DIP2C: variants seen among roughly 807,000 people sequenced by gnomAD.
DIP2C encodes disco-interacting protein 2 homolog C.
Under a neutral mutation model 192.4 loss-of-function variants are expected in DIP2C, and 33 were observed. That is an observed-to-expected ratio of 0.17 (90% confidence interval 0.13 to 0.23). The LOEUF (loss-of-function observed/expected upper bound fraction) is 0.23, where lower values mean the gene tolerates loss of function less well. Among genes scored for constraint, DIP2C ranks in the 10% least tolerant of loss-of-function variants. DIP2C has a pLI of 1.00. For missense variants in DIP2C, 1,537 were observed against 2,110.1 expected (o/e 0.73, Z 5.32); for synonymous variants, 979 against 864.1 (o/e 1.13, Z -2.33).
chr10:364,637 C>A, intron 19 of DIP2C, 55 bp from the exon 20 acceptor site: 1 of 1,571,172 alleles, frequency 6.4e-7, no homozygotes, highest in South Asian at 1.1e-5. Flanking sequence ...TGGTTTTAAT[C>A]CTCGCCGCTA....
intron 14 of DIP2C, among the ~76,000 whole-genome samples, chr10:385,148 C>T (rs1264783513): frequency 2.7e-5 from 4 of 148,900 alleles, no homozygotes; most frequent in Non-Finnish European, 3.0e-5. Flanking sequence ...CCAGGCTGCA[C>T]GGGACCCGAG....
At position 390,167 on chromosome 10, in the gene DIP2C, C is replaced by CA. The variant is rs1364851378; in HGVS notation, c.1495-75dup. Reference sequence around the variant, plus strand: ...GTTTTTCTGGTTACTTGAGGTTCTCCAAGTCCCTGAATTTTGGCACTCGTG... The same window carrying CA: ...GTTTTTCTGGTTACTTGAGGTTCTCCAAAGTCCCTGAATTTTGGCACTCGTG... On this transcript the variant is annotated intron_variant, in intron 12 of 36. Transcript: ENST00000280886. 1.1e-4 allele frequency: 174 copies of CA among 1,584,404 alleles called. No individual in the cohort carries two copies. In the Admixed American group the frequency reaches 1.5e-3, roughly 13 times the overall value.
chr10:427,472 G>A (rs1231995007), intron 4 of DIP2C, among the ~76,000 whole-genome samples: 1 of 152,180 alleles, frequency 6.6e-6, no homozygotes, highest in Non-Finnish European at 1.5e-5. Flanking sequence ...GTCTGCTACA[G>A]AACAGTTTGT....
At chr10:301,144 G>A (rs1161867759) in intron 32 of DIP2C, among the ~76,000 whole-genome samples, 1 of 152,194 alleles carries the variant, frequency 6.6e-6, no homozygotes, top group Non-Finnish European at 1.5e-5. Context: ...GAACCGTGGA[G>A]ACATGGGGCT....
intron 3 of DIP2C, among the ~76,000 whole-genome samples, chr10:448,852 A>G (rs1717261876): frequency 8.4e-6 from 1 of 118,888 alleles, no homozygotes; most frequent in Non-Finnish European, 1.7e-5. Flanking sequence ...ACAGTGGGGC[A>G]GCAGGACCTG....
intron 36 of DIP2C, among the ~76,000 whole-genome samples, chr10:279,250 C>T: frequency 6.6e-6 from 1 of 152,188 alleles, no homozygotes; most frequent in East Asian, 1.9e-4. Flanking sequence ...CTACATGGCC[C>T]ATGTGAGCCC....
At chr10:657,696 A>G (rs111170462) in intron 1 of DIP2C, among the ~76,000 whole-genome samples, 41 of 30,598 alleles carry the variant, frequency 1.3e-3, no homozygotes, top group East Asian at 3.8e-3. Flanking sequence ...TGGACCTGAC[A>G]CTGGACCTGC....
chr10:583,431 G>T (rs181318584), intron 1 of DIP2C, among the ~76,000 whole-genome samples: 2 of 152,180 alleles, frequency 1.3e-5, no homozygotes, highest in Non-Finnish European at 2.9e-5. Context: ...GGTCCTTTAC[G>T]GAAGGTTCAC....
At chr10:547,004 T>C (rs1156718571) in intron 1 of DIP2C, among the ~76,000 whole-genome samples, 1 of 152,222 alleles carries the variant, frequency 6.6e-6, no homozygotes, top group Non-Finnish European at 1.5e-5. Flanking sequence ...AAGTCATTCT[T>C]TAGATAAAGA....
intron 3 of DIP2C, among the ~76,000 whole-genome samples, chr10:463,461 GA>G (rs1291037405): frequency 6.6e-6 from 1 of 152,120 alleles, no homozygotes; most frequent in East Asian, 1.9e-4. Context: ...CCTCTTCAAG[GA>G]GAACTATAAA....
At chr10:468,307 A>G (rs1564748816) in intron 3 of DIP2C, among the ~76,000 whole-genome samples, 2 of 152,074 alleles carry the variant, frequency 1.3e-5, no homozygotes, top group African/African-American at 4.8e-5. Context: ...CCCAGTAATG[A>G]CCCCATGCCC....
rs191363209 is a variant in DIP2C, at chr10:414,474, A to T, written c.860-364T>A. Among the ~76,000 whole-genome samples, 312 of 152,238 alleles carry T rather than the reference A, an allele frequency of 2.0e-3. 1 individual carries two copies. Among genetic ancestry groups the T allele is most frequent in the Middle Eastern group, 0.014 (4 of 294 alleles). The stretch of plus-strand genomic sequence containing the variant: ...AGTGATTTTGGACCCCAAATTGCTT[A>T]AATCTTGCTAAATTATATTTTGTCC... On this transcript the variant is annotated intron_variant, in intron 7 of 36. Transcript: ENST00000280886.
chr10:358,309 G>A (rs1180812701), intron 22 of DIP2C, among the ~76,000 whole-genome samples: 2 of 151,496 alleles, frequency 1.3e-5, no homozygotes, highest in Non-Finnish European at 2.9e-5. Flanking sequence ...GCAGAGACCT[G>A]TGGCTCCCGT....
At chr10:548,120 G>C (rs1314845966) in intron 1 of DIP2C, among the ~76,000 whole-genome samples, 1 of 151,254 alleles carries the variant, frequency 6.6e-6, no homozygotes, top group Non-Finnish European at 1.5e-5. Flanking sequence ...GTGGTGTGGT[G>C]GTCCCCTGTC....
chr10:681,455 C>A (rs1187985566), intron 1 of DIP2C, among the ~76,000 whole-genome samples: 1 of 150,668 alleles, frequency 6.6e-6, no homozygotes, highest in Non-Finnish European at 1.5e-5. Context: ...TCTATGGCCA[C>A]AGAAATTCCA....
chr10:566,502 A>C (rs1229462560), intron 1 of DIP2C, among the ~76,000 whole-genome samples: 22 of 152,310 alleles, frequency 1.4e-4, no homozygotes. Context: ...ATATTTTTAC[A>C]GTTCAGTTAG....
intron 31 of DIP2C, chr10:325,146 T>TC: frequency 3.0e-6 from 1 of 332,816 alleles, no homozygotes; most frequent in South Asian, 2.5e-5. Flanking sequence ...GCACCTGTAG[T>TC]CCCAGATGCT....
chr10:545,984 CT>C (rs1848267014), intron 1 of DIP2C, among the ~76,000 whole-genome samples: 1 of 152,130 alleles, frequency 6.6e-6, no homozygotes, highest in South Asian at 2.1e-4. Context: ...TCACAAAAAG[CT>C]TTCTCATGAG....
chr10:434,540 T>G (rs1967022924), intron 4 of DIP2C, among the ~76,000 whole-genome samples: 1 of 152,182 alleles, frequency 6.6e-6, no homozygotes, highest in Admixed American at 6.5e-5. Flanking sequence ...CCCAGAGTGT[T>G]AGGGTGACAG....
Sources: allele counts gnomAD v4.1 joint callset (sites outside exome capture counted in the v4.1 genomes callset), GRCh38; gene constraint gnomAD v4.1.1; transcripts MANE v1.5; gene names NCBI Gene and HGNC (gene_info 2026-07-23, HGNC 2026-07-21).